Variants in B3GALT5 observed in about 807,000 individuals in gnomAD.
B3GALT5 encodes the protein beta-1,3-galactosyltransferase 5, also known as UDP-Gal:betaGlcNAc beta 1,3-galactosyltransferase, polypeptide 5.
For missense variants in B3GALT5, 328 were observed against 396.6 expected (o/e 0.83, Z 1.47); for synonymous variants, 156 against 158.6 (o/e 0.98, Z 0.12).
At chr21:39,652,500 C>T (rs2079405761) in intron 2 of B3GALT5, among the ~76,000 whole-genome samples, 2 of 152,064 alleles carry the variant, frequency 1.3e-5, no homozygotes. Flanking sequence ...GGCCGTGCTA[C>T]ACCACCACTG....
rs191742555 is a variant in B3GALT5, at chr21:39,649,223, A to G, written c.-161+2601A>G. Among the ~76,000 whole-genome samples the G allele has an allele frequency of 3.4e-4, 52 of 152,246 alleles. No homozygotes were observed. The East Asian group carries it at 9.3e-3, about 27-fold the overall frequency. On this transcript the variant is annotated intron_variant, in intron 2 of 3. Transcript: ENST00000684187. ...GACTCTAGACTCATGGGCCCGTAAA[A>G]CCCTGAGAAGGACCATGGGCCCCCT...
chr21:39,628,380 G>T lies in B3GALT5; in HGVS notation c.-392+15313G>T, dbSNP rs115262850. ...CACCCGAGTAACGTGTATTGTACCCGTTAAGTAATTTCTCATCCATCCCCT... is the reference window on the plus strand; with the variant it reads ...CACCCGAGTAACGTGTATTGTACCCTTTAAGTAATTTCTCATCCATCCCCT... On this transcript the variant is annotated intron_variant, in intron 1 of 3. Transcript: ENST00000684187. Among the ~76,000 whole-genome samples the T allele has an allele frequency of 9.8e-3, 1,496 of 152,304 alleles. 23 individuals are homozygous for T. The highest frequency in any genetic ancestry group is 0.035 in the African/African-American group (1,442 of 41,568).
chr21:39,624,071 A>C (rs928358131), intron 1 of B3GALT5, among the ~76,000 whole-genome samples: 2 of 152,200 alleles, frequency 1.3e-5, no homozygotes, highest in Non-Finnish European at 2.9e-5. Context: ...TGGAATGGCA[A>C]GTCTGAAGGT....
rs71330377 is a variant in B3GALT5 at position 39,639,400 on chromosome 21, TTTTCTTTCTTTCTTTCTTTCTTTC to T, written c.-391-6960_-391-6937del. Among the ~76,000 whole-genome samples, 3 of 57,200 alleles carry T rather than the reference TTTTCTTTCTTTCTTTCTTTCTTTC, an allele frequency of 5.2e-5. 1 individual carries two copies. Among genetic ancestry groups the T allele is most frequent in the Admixed American group, 1.9e-4 (1 of 5,218 alleles). The allele number at this position is 57,200 out of a possible 152,430, so 37.5% of individuals were successfully genotyped here. ...CTTCCTTCCTTCCTTCCTTCTTTCT[TTTTCTTTCTTTCTTTCTTTCTTTC>T]TTTCTTTCTTTCTTTCTTTCTTTCT... On this transcript the variant is annotated intron_variant, in intron 1 of 3. Coordinates refer to ENST00000684187, the MANE Select transcript of B3GALT5 (RefSeq NM_001356336.2).
intron 1 of B3GALT5, among the ~76,000 whole-genome samples, chr21:39,617,051 A>G (rs2079110630): frequency 6.6e-6 from 1 of 152,222 alleles, no homozygotes; most frequent in Non-Finnish European, 1.5e-5. Flanking sequence ...AGAAGACAAT[A>G]GGAAAGCATT....
intron 1 of B3GALT5, among the ~76,000 whole-genome samples, chr21:39,628,560 G>A (rs1166786727): frequency 1.3e-5 from 2 of 152,184 alleles, no homozygotes; most frequent in Non-Finnish European, 2.9e-5. Flanking sequence ...AGGACGTTTC[G>A]ACCTTTGTCA....
chr21:39,619,920 G>A (rs1009318345), intron 1 of B3GALT5, among the ~76,000 whole-genome samples: 2 of 152,124 alleles, frequency 1.3e-5, no homozygotes, highest in Admixed American at 1.3e-4. Flanking sequence ...CAATTCTCGT[G>A]CCTCAGCCTC....
In B3GALT5 at chr21:39,640,705, G is replaced by T. The variant is rs1035651176; in HGVS notation, c.-391-5687G>T. Among the ~76,000 whole-genome samples the T allele has an allele frequency of 6.6e-4, 92 of 139,066 alleles. 5 individuals are homozygous for T. In the East Asian group the frequency reaches 0.016, roughly 24 times the overall value. The allele number at this position is 139,066 out of a possible 152,430, so 91.2% of individuals were successfully genotyped here. A position where few individuals can be genotyped will look rare whatever the true frequency, so the allele number is the denominator to read the frequency against. On this transcript the variant is annotated intron_variant, in intron 1 of 3. Coordinates refer to ENST00000684187, the MANE Select transcript of B3GALT5 (RefSeq NM_001356336.2). ...AAATCCATTCTATTTTTTTTTTTTT[G>T]AGAATGAAGACAGTTTTAATATTGC...
At chr21:39,635,152 T>A (rs2079218075) in intron 1 of B3GALT5, among the ~76,000 whole-genome samples, 1 of 152,206 alleles carries the variant, frequency 6.6e-6, no homozygotes, top group African/African-American at 2.4e-5. Flanking sequence ...TGGGCATGCC[T>A]GCGGGACCCG....
chr21:39,615,475 A>T (rs1475300423), intron 1 of B3GALT5, among the ~76,000 whole-genome samples: 1 of 152,210 alleles, frequency 6.6e-6, no homozygotes, highest in African/African-American at 2.4e-5. Context: ...AATTTTGAAC[A>T]TCATCCCCAC....
At chr21:39,650,648 G>A (rs1323164507) in intron 2 of B3GALT5, among the ~76,000 whole-genome samples, 2 of 152,118 alleles carry the variant, frequency 1.3e-5, no homozygotes, top group South Asian at 2.1e-4. Flanking sequence ...CTGGCTCGTT[G>A]GTGACCAGCA....
intron 2 of B3GALT5, among the ~76,000 whole-genome samples, chr21:39,649,643 A>G (rs948902143): frequency 7.1e-6 from 1 of 140,106 alleles, no homozygotes; most frequent in East Asian, 2.1e-4. Flanking sequence ...GAAAGTTACT[A>G]AGAGGAGACC....
At position 39,661,123 on chromosome 21, in the gene B3GALT5, G is replaced by GT. The variant is rs769582300; in HGVS notation, c.567dup (p.Pro190SerfsTer13). ...TCACTGGCTTCTTGAAACTCAATGAGTTTCCCATCAGGCAGCCATTCAGCA... is the reference window on the plus strand; with the variant it reads ...TCACTGGCTTCTTGAAACTCAATGAGTTTTCCCATCAGGCAGCCATTCAGCA... On this transcript the variant is annotated frameshift_variant, in exon 4 of 4. Transcript: ENST00000684187. LOFTEE classifies it low-confidence loss of function (END_TRUNC). This position sits in a 1 kb window ranked among gnomAD's most constrained non-coding sequence, Gnocchi z 4.7. The GT allele has an allele frequency of 6.2e-7, 1 of 1,614,130 alleles. No homozygotes were observed. The highest frequency in any genetic ancestry group is 1.7e-5 in the Admixed American group (1 of 60,028).
At chr21:39,649,091 G>C (rs892651577) in intron 2 of B3GALT5, among the ~76,000 whole-genome samples, 1 of 152,208 alleles carries the variant, frequency 6.6e-6, no homozygotes. Flanking sequence ...CATCAGTCCT[G>C]AGACCAGTGA....
At chr21:39,627,287 G>A (rs1178818825) in intron 1 of B3GALT5, among the ~76,000 whole-genome samples, 1 of 152,186 alleles carries the variant, frequency 6.6e-6, no homozygotes, top group African/African-American at 2.4e-5. Context: ...CGAGCAGGAA[G>A]TTTAGGGTGC....
chr21:39,656,639 G>C (rs1012334153), intron 2 of B3GALT5, among the ~76,000 whole-genome samples: 6 of 152,128 alleles, frequency 3.9e-5, no homozygotes, highest in Non-Finnish European at 1.5e-5. Flanking sequence ...TAACTTTCCA[G>C]ACCCCCCCTT....
intron 2 of B3GALT5, among the ~76,000 whole-genome samples, chr21:39,659,061 T>C (rs1254698666): frequency 1.3e-5 from 2 of 152,070 alleles, no homozygotes; most frequent in Non-Finnish European, 2.9e-5. Context: ...GGCAACATAG[T>C]GAAACCCCAT....
At position 39,660,811 on chromosome 21, in the gene B3GALT5, G is replaced by A. The variant is rs770085783; in HGVS notation, c.252G>A (p.Arg84=). 2.5e-6 allele frequency: 4 copies of A among 1,593,604 alleles called. No individual in the cohort carries two copies. The South Asian group carries it at 4.6e-5, about 18-fold the overall frequency. The change falls in exon 4 of 4, where the codon AGG becomes AGA. Residue 84 remains arginine (R), a synonymous_variant. Transcript: ENST00000684187. ...TCCGGCAGACGTGGGGGAAAGAGAG[G>A]ATGGTGAAGGGAAAGCAGCTGAAGA... is the stretch of plus-strand genomic sequence containing the variant. ...MAIRQTWGKE[R]MVKGKQLKTF...
intron 1 of B3GALT5, among the ~76,000 whole-genome samples, chr21:39,642,191 C>T (rs2079295337): frequency 6.6e-6 from 1 of 152,212 alleles, no homozygotes; most frequent in African/African-American, 2.4e-5. Context: ...GTGTACATTG[C>T]ACTTGGATTC....
Sources: gnomAD v4.1 joint callset for allele counts (sites outside exome capture counted in the v4.1 genomes callset) on GRCh38, gnomAD v4.1.1 for gene constraint, Gnocchi (gnomAD v3.1) non-coding constraint, MANE v1.5 for transcripts, NCBI Gene and HGNC (gene_info 2026-07-23, HGNC 2026-07-21) for gene names.